The following LINGO2 variants were observed in gnomAD, a reference collection of about 807,000 sequenced individuals.
LINGO2 encodes the protein leucine rich repeat and Ig domain containing 2.
Under a neutral mutation model 30.6 loss-of-function variants are expected in LINGO2, and 14 were observed. The observed-to-expected ratio is 0.46, with a 90% CI of 0.30 to 0.72. The LOEUF (loss-of-function observed/expected upper bound fraction) is 0.72, where lower values mean the gene tolerates loss of function less well. Ranked by LOEUF, LINGO2 falls within the 30% of genes least tolerant of loss-of-function variation. The pLI is 0.07. For missense variants in LINGO2, 729 were observed against 751.7 expected, an observed-to-expected ratio of 0.97 and a Z score of 0.35; for synonymous variants, 317 against 288.5, an observed-to-expected ratio of 1.10 and a Z score of -1.00.
chr9:29,048,461 GAA>G, the LINGO2 span, among the ~76,000 whole-genome samples: 40 of 151,154 alleles, frequency 2.6e-4, no homozygotes, highest in Non-Finnish European at 4.7e-4. Flanking sequence ...CACAGAAATA[GAA>G]AAAAAAATCC....
At chr9:28,913,236 CAT>C in the LINGO2 span, among the ~76,000 whole-genome samples, 25 of 152,100 alleles carry the variant, frequency 1.6e-4, no homozygotes, top group Middle Eastern at 3.4e-3. Context: ...ATTATTATAA[CAT>C]GTGATGTAGT....
At chr9:28,189,142 T>G (rs928861019) in intron 4 of LINGO2, among the ~76,000 whole-genome samples, 1 of 151,626 alleles carries the variant, frequency 6.6e-6, no homozygotes, top group African/African-American at 2.4e-5. Context: ...GTTAGCTTTA[T>G]ACACCTTTCC....
chr9:28,963,543 T>TACACACACATACACAC, the LINGO2 span, among the ~76,000 whole-genome samples: 1 of 140,804 alleles, frequency 7.1e-6, no homozygotes, highest in Non-Finnish European at 1.6e-5. Context: ...GGTATATGAA[T>TACACACACATACACAC]ACACACACAC....
chr9:29,170,941 A>G, the LINGO2 span, among the ~76,000 whole-genome samples: 6 of 152,194 alleles, frequency 3.9e-5, no homozygotes, highest in African/African-American at 1.4e-4. Flanking sequence ...TAGTTGCAGT[A>G]TAAATTGCTT....
chr9:28,251,749 C>T (rs1822208397), intron 4 of LINGO2, among the ~76,000 whole-genome samples: 1 of 151,928 alleles, frequency 6.6e-6, no homozygotes, highest in South Asian at 2.1e-4. Flanking sequence ...AAGAGTAGCT[C>T]TATTAATAAC....
chr9:29,143,172 T>C, the LINGO2 span, among the ~76,000 whole-genome samples: 1 of 152,092 alleles, frequency 6.6e-6, no homozygotes, highest in Non-Finnish European at 1.5e-5. Flanking sequence ...AGTCTTTTCA[T>C]GGTGTGCCAC....
chr9:29,055,940 G>GTATATATATATATGTGTATATATATA, the LINGO2 span, among the ~76,000 whole-genome samples: 18 of 120,008 alleles, frequency 1.5e-4, no homozygotes, highest in Non-Finnish European at 2.8e-4. Flanking sequence ...ATGTGTGTGT[G>GTATATATATATATGTGTATATATATA]TATATATACA....
chr9:28,936,210 A>G, the LINGO2 span, among the ~76,000 whole-genome samples: 1 of 152,234 alleles, frequency 6.6e-6, no homozygotes, highest in African/African-American at 2.4e-5. Flanking sequence ...AATGCTATTC[A>G]AGGAAATCTT....
At chr9:28,643,028 G>T (rs1302137474) in intron 1 of LINGO2, among the ~76,000 whole-genome samples, 11 of 151,968 alleles carry the variant, frequency 7.2e-5, no homozygotes, top group African/African-American at 1.9e-4. Context: ...ACTGATGAAA[G>T]AAATTGAAGA....
chr9:28,405,101 C>G (rs77042857), intron 2 of LINGO2, among the ~76,000 whole-genome samples: 2 of 152,084 alleles, frequency 1.3e-5, no homozygotes, highest in South Asian at 2.1e-4. Context: ...CACTGAAAAC[C>G]AAATCCCTGC....
chr9:28,207,055 T>C (rs1227691311), intron 4 of LINGO2, among the ~76,000 whole-genome samples: 1 of 152,196 alleles, frequency 6.6e-6, no homozygotes, highest in Non-Finnish European at 1.5e-5. Context: ...TTTTAAAAAT[T>C]ACACCTTCAC....
At chr9:28,463,936 C>T (rs1232476019) in intron 2 of LINGO2, among the ~76,000 whole-genome samples, 2 of 152,130 alleles carry the variant, frequency 1.3e-5, no homozygotes, top group African/African-American at 4.8e-5. Flanking sequence ...AGGAAATGAG[C>T]CTGTTTTCAT....
At chr9:27,959,783 T>C (rs1054825350) in intron 5 of LINGO2, among the ~76,000 whole-genome samples, 2 of 152,190 alleles carry the variant, frequency 1.3e-5, no homozygotes, top group Non-Finnish European at 2.9e-5. Flanking sequence ...TCATTAAGGC[T>C]AATGTGGTTG....
intron 2 of LINGO2, among the ~76,000 whole-genome samples, chr9:28,396,236 T>A (rs10968557): frequency 3.3e-5 from 5 of 152,194 alleles, no homozygotes; most frequent in Admixed American, 3.3e-4. Context: ...TTATTCTTTA[T>A]GACAAAGCTG....
chr9:28,774,745 G>C, the LINGO2 span, among the ~76,000 whole-genome samples: 1 of 152,094 alleles, frequency 6.6e-6, no homozygotes. Flanking sequence ...ATTACGTTCA[G>C]GAATATCTAC....
chr9:28,630,048 T>C lies in LINGO2; in HGVS notation c.-365+40152A>G, dbSNP rs113170318. Among the ~76,000 whole-genome samples, 259 of 152,016 alleles carry C rather than the reference T, an allele frequency of 1.7e-3. 1 individual carries two copies. Among genetic ancestry groups the C allele is most frequent in the African/African-American group, 5.8e-3 (241 of 41,476 alleles). On this transcript the variant is annotated intron_variant, in intron 1 of 5. Coordinates refer to ENST00000379992, the Ensembl canonical transcript of LINGO2. ...TTTGGTTTTTGTTCTTGGGATAGTT[T>C]ACTGAGAATGATGATTTCCAATTTC...
the LINGO2 span, among the ~76,000 whole-genome samples, chr9:28,698,576 T>C: frequency 6.6e-6 from 1 of 152,176 alleles, no homozygotes; most frequent in African/African-American, 2.4e-5. Context: ...ATTCTACAGA[T>C]AAAATTATTG....
chr9:29,188,348 T>G, the LINGO2 span, among the ~76,000 whole-genome samples: 1 of 151,802 alleles, frequency 6.6e-6, no homozygotes, highest in Non-Finnish European at 1.5e-5. Flanking sequence ...AGGTCACAGA[T>G]CAACAGGATC....
chr9:28,509,839 C>T (rs953053283), intron 1 of LINGO2, among the ~76,000 whole-genome samples: 2 of 152,152 alleles, frequency 1.3e-5, no homozygotes, highest in Non-Finnish European at 2.9e-5. Context: ...GTTGTGGCAG[C>T]CCTTGCAGAC....
Sources: gnomAD v4.1 joint callset for allele counts (sites outside exome capture counted in the v4.1 genomes callset) on GRCh38, gnomAD v4.1.1 for gene constraint, MANE v1.5 for transcripts, NCBI Gene and HGNC (gene_info 2026-07-23, HGNC 2026-07-21) for gene names.